SORCS2: variants seen among roughly 807,000 people sequenced by gnomAD.
SORCS2 encodes sortilin related VPS10 domain containing receptor 2, also known as VPS10 domain-containing receptor SorCS2.
In SORCS2, 100 loss-of-function variants were observed where a neutral mutation model predicts 141.6. The ratio of observed to expected loss-of-function variants is 0.71; its 90% confidence interval spans 0.60 to 0.83. The LOEUF is 0.83. SORCS2 is among the 40% of genes least tolerant of loss of function. SORCS2 has a pLI of 0.00. For synonymous variants in SORCS2, 789 were observed against 676.9 expected, an observed-to-expected ratio of 1.17 and a Z score of -2.57; for missense variants, 1,646 against 1,560.2, an observed-to-expected ratio of 1.05 and a Z score of -0.93.
At chr4:7,394,443 C>T (rs1174921804) in intron 1 of SORCS2, among the ~76,000 whole-genome samples, 1 of 98,662 alleles carries the variant, frequency 1.0e-5, no homozygotes, top group Non-Finnish European at 2.0e-5. Flanking sequence ...AGCCCAGTGT[C>T]GGGGGCCTTC....
At chr4:7,515,615 G>T (rs961844111) in intron 2 of SORCS2, among the ~76,000 whole-genome samples, 1 of 152,158 alleles carries the variant, frequency 6.6e-6, no homozygotes, top group Admixed American at 6.5e-5. Context: ...AGATGCTGCC[G>T]CTCGGAACCC....
chr4:7,386,417 AC>A (rs1210925336), intron 1 of SORCS2, among the ~76,000 whole-genome samples: 1 of 116,660 alleles, frequency 8.6e-6, no homozygotes, highest in Non-Finnish European at 1.7e-5. Context: ...ACACACGCAC[AC>A]ATGCACACAC....
chr4:7,418,707 C>G (rs1286760956), intron 2 of SORCS2, among the ~76,000 whole-genome samples: 5 of 114,608 alleles, frequency 4.4e-5, no homozygotes, highest in African/African-American at 1.2e-4. Flanking sequence ...AAATGACCCC[C>G]CCCCCCACCA....
At chr4:7,505,781 G>A (rs191252599) in intron 2 of SORCS2, among the ~76,000 whole-genome samples, 38 of 152,252 alleles carry the variant, frequency 2.5e-4, no homozygotes, top group Admixed American at 2.2e-3. Flanking sequence ...TGTGACCTTC[G>A]AGAGTGATGA....
intron 1 of SORCS2, among the ~76,000 whole-genome samples, chr4:7,205,695 A>G (rs938064255): frequency 2.6e-5 from 4 of 152,334 alleles, no homozygotes; most frequent in African/African-American, 9.6e-5. Flanking sequence ...TCTGCATCCA[A>G]GTTCATGGGT....
chr4:7,362,225 G>T (rs17814167), intron 1 of SORCS2, among the ~76,000 whole-genome samples: 1 of 151,902 alleles, frequency 6.6e-6, no homozygotes, highest in African/African-American at 2.4e-5. Flanking sequence ...GCCGCCAGTC[G>T]TCCTCTGAAT....
At chr4:7,400,757 TGATG>T (rs1327306064) in intron 2 of SORCS2, among the ~76,000 whole-genome samples, 1 of 133,094 alleles carries the variant, frequency 7.5e-6, no homozygotes, top group African/African-American at 2.8e-5. Flanking sequence ...ATTGATGGAT[TGATG>T]GATGGATGTA....
At chr4:7,305,732 C>T (rs754075906) in intron 1 of SORCS2, among the ~76,000 whole-genome samples, 33 of 152,180 alleles carry the variant, frequency 2.2e-4, no homozygotes, top group Non-Finnish European at 3.5e-4. Flanking sequence ...TTCTCGATGC[C>T]GCTTGGTGGA....
At chr4:7,490,479 C>A (rs577552153) in intron 2 of SORCS2, among the ~76,000 whole-genome samples, 1 of 151,800 alleles carries the variant, frequency 6.6e-6, no homozygotes, top group Non-Finnish European at 1.5e-5. Flanking sequence ...AGCCTTTGTC[C>A]TAGGGACCAT....
chr4:7,595,827 T>C lies in SORCS2; in HGVS notation c.649-42501T>C, dbSNP rs530554362. ...TGCATTAAGAATGTTTCTCAAGCAC[T>C]TTCTAGGCACCAGGCACCGTCACCT... On this transcript the variant is annotated intron_variant, in intron 3 of 26. Transcript: ENST00000507866. 3.3e-5 allele frequency among the ~76,000 whole-genome samples: 5 copies of C among 152,274 alleles called. No individual in the cohort carries two copies. In the South Asian group the frequency reaches 1.0e-3, roughly 32 times the overall value.
At chr4:7,463,051 G>A (rs967317842) in intron 2 of SORCS2, among the ~76,000 whole-genome samples, 4 of 151,760 alleles carry the variant, frequency 2.6e-5, no homozygotes, top group Non-Finnish European at 5.9e-5. Flanking sequence ...GCCCCACAAA[G>A]GCCCCTCCAG....
intron 1 of SORCS2, among the ~76,000 whole-genome samples, chr4:7,374,623 C>T (rs1722512967): frequency 6.6e-6 from 1 of 152,206 alleles, no homozygotes; most frequent in East Asian, 1.9e-4. Flanking sequence ...CCCATCCTTC[C>T]CGAAGCCAAG....
intron 10 of SORCS2, among the ~76,000 whole-genome samples, chr4:7,687,377 G>A (rs1254942750): frequency 2.6e-5 from 4 of 152,158 alleles, no homozygotes; most frequent in African/African-American, 9.7e-5. Flanking sequence ...AGGACTGAAA[G>A]GTGCCAGCAA....
intron 1 of SORCS2, among the ~76,000 whole-genome samples, chr4:7,204,672 C>G (rs772670750): frequency 2.0e-5 from 3 of 152,276 alleles, no homozygotes; most frequent in Admixed American, 1.3e-4. Context: ...AGGACAATCC[C>G]GTGCCTAGAA....
chr4:7,238,510 T>C (rs1012213223), intron 1 of SORCS2, among the ~76,000 whole-genome samples: 3 of 152,190 alleles, frequency 2.0e-5, no homozygotes, highest in Non-Finnish European at 2.9e-5. Flanking sequence ...CGCTGTGAGC[T>C]CAGAGCAGCT....
At chr4:7,293,210 A>C (rs2108881717) in intron 1 of SORCS2, among the ~76,000 whole-genome samples, 1 of 152,190 alleles carries the variant, frequency 6.6e-6, no homozygotes, top group East Asian at 1.9e-4. Flanking sequence ...AGGCTAAGGC[A>C]GGAGAATGGC....
intron 20 of SORCS2, among the ~76,000 whole-genome samples, chr4:7,726,272 G>T (rs1293342763): frequency 6.6e-6 from 1 of 152,206 alleles, no homozygotes; most frequent in Non-Finnish European, 1.5e-5. Context: ...ATGCCCGTGG[G>T]GGGCAGGCCT....
chr4:7,377,474 C>A (rs975647573), intron 1 of SORCS2, among the ~76,000 whole-genome samples: 1 of 152,202 alleles, frequency 6.6e-6, no homozygotes, highest in African/African-American at 2.4e-5. Flanking sequence ...CTTCAGCTTC[C>A]CCTCTGAAAG....
At chr4:7,420,780 T>G (rs778031812) in intron 2 of SORCS2, among the ~76,000 whole-genome samples, 3 of 152,150 alleles carry the variant, frequency 2.0e-5, no homozygotes, top group Non-Finnish European at 4.4e-5. Context: ...TTCTTAGACC[T>G]TATCCACCAT....
Sources: allele counts gnomAD v4.1 joint callset (sites outside exome capture counted in the v4.1 genomes callset), GRCh38; gene constraint gnomAD v4.1.1; transcripts MANE v1.5; gene names NCBI Gene and HGNC (gene_info 2026-07-23, HGNC 2026-07-21).